The following DMD variants were observed in gnomAD, a reference collection of about 807,000 sequenced individuals.
DMD encodes mutant dystrophin.
DMD carries 63 observed loss-of-function variants against 330.1 expected under a neutral mutation model. That is an observed-to-expected ratio of 0.19 (90% CI 0.16 to 0.24). The LOEUF is 0.24. Ranked by LOEUF, DMD falls within the 10% of genes least tolerant of loss-of-function variation. DMD has a pLI of 1.00. For missense variants in DMD, 3,344 were observed against 2,684.1 expected, an observed-to-expected ratio of 1.25 and a Z score of -5.43; for synonymous variants, 1,223 against 959.8, an observed-to-expected ratio of 1.27 and a Z score of -5.07.
At chrX:32,811,731 T>A (rs1009673154) in intron 6 of DMD, among the ~76,000 whole-genome samples, 2 of 112,337 alleles carry the variant, frequency 1.8e-5, no homozygotes, top group Admixed American at 9.5e-5. Flanking sequence ...TATGAATTAA[T>A]TAAACTCTAA....
chrX:32,322,849 T>G (rs190072663), intron 41 of DMD, among the ~76,000 whole-genome samples: 2 of 111,897 alleles, frequency 1.8e-5, no homozygotes, highest in African/African-American at 6.5e-5. Context: ...AGAGGAGAGA[T>G]ATTAAAGAAT....
chrX:31,243,357 A>G (rs2048537976), intron 63 of DMD, among the ~76,000 whole-genome samples: 1 of 112,027 alleles, frequency 8.9e-6, no homozygotes, highest in Admixed American at 9.5e-5. Flanking sequence ...TAGATCCACT[A>G]AGGATGGATA....
intron 44 of DMD, among the ~76,000 whole-genome samples, chrX:32,001,242 A>G (rs2095624643): frequency 9.0e-6 from 1 of 111,281 alleles, no homozygotes; most frequent in South Asian, 3.8e-4. Context: ...CACTTTAAAA[A>G]GGCGATTTTT....
chrX:31,621,565 T>C (rs768830969), intron 55 of DMD, among the ~76,000 whole-genome samples: 2 of 112,014 alleles, frequency 1.8e-5, no homozygotes, highest in African/African-American at 3.2e-5. Flanking sequence ...TCGAGTCCAA[T>C]AGTCTGCCTC....
chrX:33,257,646 T>C (rs1479061072), intron 1 of DMD, among the ~76,000 whole-genome samples: 2 of 111,229 alleles, frequency 1.8e-5, no homozygotes, highest in Non-Finnish European at 3.8e-5. Context: ...GATGAAACTA[T>C]GTGATACCAT....
At chrX:33,091,048 T>C (rs928013777) in intron 1 of DMD, among the ~76,000 whole-genome samples, 1 of 111,055 alleles carries the variant, frequency 9.0e-6, no homozygotes, top group African/African-American at 3.3e-5. Flanking sequence ...GAGAGAATGT[T>C]AAAGAAAACA....
chrX:31,121,444 G>GTA lies in DMD; in HGVS notation c.*474_*475insTA, dbSNP rs763785200. 7.2e-4 allele frequency: 93 copies of GTA among 129,301 alleles called. No individual in the cohort carries two copies. The highest frequency in any genetic ancestry group is 6.5e-3 in the Middle Eastern group (2 of 310). 10.7% of individuals were successfully genotyped at this position (129,301 alleles called of 1,213,427 possible). On this transcript the variant is annotated 3_prime_UTR_variant, in exon 79 of 79. Coordinates refer to ENST00000357033, the MANE Select transcript of DMD (RefSeq NM_004006.3). ...CAAAGTTTTGTGTGTGTGTGTGTAT[G>GTA]TGTGTGTGTGTGTGTTTGTTTTGTT...
intron 9 of DMD, among the ~76,000 whole-genome samples, chrX:32,681,763 C>G (rs1170444542): frequency 9.0e-6 from 1 of 111,727 alleles, no homozygotes; most frequent in Non-Finnish European, 1.9e-5. Flanking sequence ...GAAAAACGAC[C>G]TGCAAATATC....
At chrX:33,297,710 G>T (rs1036322848) in intron 1 of DMD, among the ~76,000 whole-genome samples, 1 of 111,230 alleles carries the variant, frequency 9.0e-6, no homozygotes, top group African/African-American at 3.3e-5. Flanking sequence ...CATATGCTAT[G>T]TGAAATAAGG....
chrX:32,430,096 C>T lies in DMD; in HGVS notation c.4071+8145G>A, dbSNP rs192532573. Among the ~76,000 whole-genome samples the T allele has an allele frequency of 1.5e-3, 171 of 110,983 alleles. 1 individual carries two copies. Among genetic ancestry groups the T allele is most frequent in the Admixed American group, 8.6e-4 (9 of 10,417 alleles). On this transcript the variant is annotated intron_variant, in intron 29 of 78. Transcript: ENST00000357033. Reference sequence around the variant, plus strand: ...TGTTGAGTTCAGAATTCTAGGTTGACGGTAATTTTTTCAATATCTTGAAAA... The same window carrying T: ...TGTTGAGTTCAGAATTCTAGGTTGATGGTAATTTTTTCAATATCTTGAAAA...
chrX:32,235,835 T>G (rs2097185684), intron 43 of DMD, among the ~76,000 whole-genome samples: 1 of 111,413 alleles, frequency 9.0e-6, no homozygotes, highest in African/African-American at 3.3e-5. Flanking sequence ...ACTATTGTTT[T>G]AGTTTTAGTG....
Position 32,806,706 on chromosome X carries a change from T to C in DMD, c.649+2787A>G, listed in dbSNP as rs752903827. Among the ~76,000 whole-genome samples the C allele has an allele frequency of 2.7e-5, 3 of 111,472 alleles. No homozygotes were observed. The East Asian group carries it at 8.4e-4, about 31-fold the overall frequency. ...CACATAATTAGAAGTAAAACACTCC[T>C]CAGCAAATGCAAAAGAATGAAAATC... On this transcript the variant is annotated intron_variant, in intron 7 of 78. Coordinates refer to ENST00000357033, the MANE Select transcript of DMD (RefSeq NM_004006.3).
Position 32,756,756 on chromosome X carries a change from G to C in DMD, c.649+52737C>G, listed in dbSNP as rs1256032977. 2.7e-5 allele frequency among the ~76,000 whole-genome samples: 3 copies of C among 111,760 alleles called. No homozygotes were observed. In the East Asian group the frequency reaches 8.4e-4, roughly 31 times the overall value. On this transcript the variant is annotated intron_variant, in intron 7 of 78. Transcript: ENST00000357033. Reference sequence around the variant, plus strand: ...AAGCTACTTATTAAAAAGGTAAGAGGATGTTCTTATGGATACAATCAAGTA... The same window carrying C: ...AAGCTACTTATTAAAAAGGTAAGAGCATGTTCTTATGGATACAATCAAGTA...
At chrX:31,142,113 T>A (rs2036131733) in intron 76 of DMD, among the ~76,000 whole-genome samples, 1 of 112,245 alleles carries the variant, frequency 8.9e-6, no homozygotes. Flanking sequence ...ACATCACTGA[T>A]CCTGAATGTA....
intron 47 of DMD, among the ~76,000 whole-genome samples, chrX:31,918,116 A>G (rs1326175647): frequency 8.9e-6 from 1 of 112,801 alleles, no homozygotes; most frequent in Non-Finnish European, 1.9e-5. Context: ...TGGCACGTGG[A>G]TCTTTACCCC....
chrX:31,503,289 T>C (rs899472871), intron 56 of DMD, among the ~76,000 whole-genome samples: 1 of 112,204 alleles, frequency 8.9e-6, no homozygotes, highest in South Asian at 3.7e-4. Context: ...AAGAATAAAA[T>C]TGTACGATTG....
intron 44 of DMD, among the ~76,000 whole-genome samples, chrX:32,018,039 GAACAT>G (rs2095778702): frequency 9.0e-6 from 1 of 110,753 alleles, no homozygotes; most frequent in Admixed American, 9.7e-5. Context: ...ATGCGCCCAC[GAACAT>G]GACAGATAAT....
intron 55 of DMD, among the ~76,000 whole-genome samples, chrX:31,569,632 GTATA>G (rs940638610): frequency 1.0e-5 from 1 of 95,598 alleles, no homozygotes; most frequent in African/African-American, 4.0e-5. Context: ...ACGTATATAC[GTATA>G]TATATGTATA....
At chrX:31,996,590 C>T (rs1387537197) in intron 44 of DMD, among the ~76,000 whole-genome samples, 1 of 111,201 alleles carries the variant, frequency 9.0e-6, no homozygotes, top group Non-Finnish European at 1.9e-5. Flanking sequence ...ATTTTTTTAG[C>T]ACTGAATTTT....
Sources: allele counts gnomAD v4.1 joint callset (sites outside exome capture counted in the v4.1 genomes callset), GRCh38; gene constraint gnomAD v4.1.1; transcripts MANE v1.5; gene names NCBI Gene and HGNC (gene_info 2026-07-23, HGNC 2026-07-21).